CTNND2: variants seen among roughly 807,000 people sequenced by gnomAD.
CTNND2 encodes catenin delta-2.
CTNND2 carries 22 observed loss-of-function variants against 144.4 expected under a neutral mutation model. The observed-to-expected ratio is 0.15, with a 90% CI of 0.11 to 0.22. CTNND2 has a LOEUF of 0.22. Among genes scored for constraint, CTNND2 ranks in the 10% least tolerant of loss-of-function variants. The pLI is 1.00. For missense variants in CTNND2, 1,353 were observed against 1,618.8 expected (o/e 0.84, Z 2.82); for synonymous variants, 751 against 695.6 (o/e 1.08, Z -1.25).
At chr5:11,199,149 C>T (rs1737170594) in intron 11 of CTNND2, among the ~76,000 whole-genome samples, 1 of 152,180 alleles carries the variant, frequency 6.6e-6, no homozygotes, top group African/African-American at 2.4e-5. Context: ...TAATGCTATT[C>T]TAATAAAGAG....
intron 3 of CTNND2, among the ~76,000 whole-genome samples, chr5:11,428,394 G>A (rs1335100915): frequency 6.6e-6 from 1 of 152,126 alleles, no homozygotes; most frequent in Non-Finnish European, 1.5e-5. Flanking sequence ...CAACTGTGAG[G>A]ATCTCCTTGA....
intron 12 of CTNND2, 66 bp from the exon 13 acceptor site, chr5:11,117,633 CA>C: frequency 8.2e-7 from 1 of 1,225,074 alleles, no homozygotes; most frequent in Non-Finnish European, 1.2e-6. Flanking sequence ...TTTCCATGCC[CA>C]GCTGCTCTCA....
intron 3 of CTNND2, among the ~76,000 whole-genome samples, chr5:11,470,670 C>T (rs1445151751): frequency 6.6e-6 from 1 of 151,988 alleles, no homozygotes; most frequent in African/African-American, 2.4e-5. Context: ...TTCATCCTGC[C>T]TCCTTAAGCT....
chr5:11,111,848 ATTT>A (rs1167662692), intron 13 of CTNND2, among the ~76,000 whole-genome samples: 1 of 140,608 alleles, frequency 7.1e-6, no homozygotes, highest in African/African-American at 2.6e-5. Context: ...GAAGGTCTAC[ATTT>A]TTTTTTTTTT....
At chr5:11,601,015 A>G (rs1779763088) in intron 2 of CTNND2, among the ~76,000 whole-genome samples, 1 of 152,186 alleles carries the variant, frequency 6.6e-6, no homozygotes, top group Non-Finnish European at 1.5e-5. Flanking sequence ...ACTTGCATAA[A>G]ACAGCAAGGT....
At chr5:11,778,725 A>T (rs776120939) in intron 1 of CTNND2, among the ~76,000 whole-genome samples, 1 of 152,192 alleles carries the variant, frequency 6.6e-6, no homozygotes, top group African/African-American at 2.4e-5. Context: ...GAAAAGGAAA[A>T]GGATACTGGA....
intron 16 of CTNND2, among the ~76,000 whole-genome samples, chr5:11,060,568 T>A (rs145114066): frequency 6.6e-6 from 1 of 152,350 alleles, no homozygotes; most frequent in East Asian, 1.9e-4. Context: ...CTCAACTGAT[T>A]GGCCTTTTCC....
At chr5:11,136,690 C>T (rs115815588) in intron 12 of CTNND2, among the ~76,000 whole-genome samples, 2,531 of 152,328 alleles carry the variant, frequency 0.017, 50 homozygotes, top group Non-Finnish European at 0.027. Context: ...CCATGTATCT[C>T]TTATATGTTC....
chr5:11,857,980 G>A (rs554239934), intron 1 of CTNND2, among the ~76,000 whole-genome samples: 1 of 152,286 alleles, frequency 6.6e-6, no homozygotes, highest in South Asian at 2.1e-4. Flanking sequence ...TTCCTTAGGG[G>A]CCTGTAGCTA....
At chr5:11,612,739 A>C (rs916825029) in intron 2 of CTNND2, among the ~76,000 whole-genome samples, 2 of 152,024 alleles carry the variant, frequency 1.3e-5, no homozygotes, top group East Asian at 3.9e-4. Context: ...CACCTCTACA[A>C]AAAATAAAAA....
chr5:11,802,067 G>C (rs1017846032), intron 1 of CTNND2, among the ~76,000 whole-genome samples: 1 of 152,100 alleles, frequency 6.6e-6, no homozygotes. Flanking sequence ...GAAGTCAGGA[G>C]TTTGAGACTA....
chr5:11,479,579 C>A (rs1768058299), intron 3 of CTNND2, among the ~76,000 whole-genome samples: 1 of 152,148 alleles, frequency 6.6e-6, no homozygotes. Context: ...TGCCACACTG[C>A]TTTCCACAAT....
intron 3 of CTNND2, among the ~76,000 whole-genome samples, chr5:11,462,548 A>AT (rs5865942): frequency 0.12 from 18,244 of 149,592 alleles, 1,474 homozygotes; most frequent in African/African-American, 0.23. Context: ...GAAAGATTCT[A>AT]TTTTTTTTTT....
At chr5:11,172,232 G>A (rs1760005116) in intron 11 of CTNND2, among the ~76,000 whole-genome samples, 1 of 152,060 alleles carries the variant, frequency 6.6e-6, no homozygotes, top group Non-Finnish European at 1.5e-5. Flanking sequence ...GACCACTGGG[G>A]CTGGGAGTTA....
intron 12 of CTNND2, among the ~76,000 whole-genome samples, chr5:11,126,579 T>C (rs1210357895): frequency 6.6e-6 from 1 of 152,192 alleles, no homozygotes; most frequent in Non-Finnish European, 1.5e-5. Context: ...TTGTGACCTT[T>C]AGAAGGTCAC....
chr5:11,451,458 T>G (rs1328851304), intron 3 of CTNND2, among the ~76,000 whole-genome samples: 2 of 152,158 alleles, frequency 1.3e-5, no homozygotes, highest in African/African-American at 4.8e-5. Flanking sequence ...TCAAGCATCC[T>G]CATCCAAAAA....
At chr5:11,213,469 T>C (rs370497786) in intron 10 of CTNND2, among the ~76,000 whole-genome samples, 3 of 152,264 alleles carry the variant, frequency 2.0e-5, no homozygotes, top group South Asian at 2.1e-4. Flanking sequence ...ACAAGGCAAA[T>C]TGAAATATGA....
At chr5:11,507,774 G>C (rs964014730) in intron 3 of CTNND2, among the ~76,000 whole-genome samples, 1 of 152,214 alleles carries the variant, frequency 6.6e-6, no homozygotes, top group African/African-American at 2.4e-5. Flanking sequence ...ATACGGTCGT[G>C]TGCAGATCAC....
chr5:11,397,050 G>C lies in CTNND2; in HGVS notation c.593C>G (p.Thr198Arg). 6.2e-7 allele frequency: 1 copy of C among 1,613,588 alleles called. No homozygotes were observed. The highest frequency in any genetic ancestry group is 8.5e-7 in the Non-Finnish European group (1 of 1,179,978). Residue 198 changes from threonine (T) to arginine (R), a missense_variant, in exon 6 of 22, where the codon ACG becomes AGG. Coordinates refer to ENST00000304623, the MANE Select transcript of CTNND2 (RefSeq NM_001332.4). ...LPARGTQARATGQSFSQGTTS... is the reference protein window; with the variant it reads ...LPARGTQARARGQSFSQGTTS... ...ACCTACCTGGCTGAAGCTCTGGCCCGTAGCTCGGGCTTGTGTGCCTCGGGC... is the reference window on the plus strand; with the variant it reads ...ACCTACCTGGCTGAAGCTCTGGCCCCTAGCTCGGGCTTGTGTGCCTCGGGC...
Sources: gnomAD v4.1 joint callset for allele counts (sites outside exome capture counted in the v4.1 genomes callset) on GRCh38, gnomAD v4.1.1 for gene constraint, MANE v1.5 for transcripts, NCBI Gene and HGNC (gene_info 2026-07-23, HGNC 2026-07-21) for gene names.